ENOX1: variants seen among roughly 807,000 people sequenced by gnomAD.
ENOX1 encodes candidate growth-related and time keeping constitutive hydroquinone (NADH) oxidase.
ENOX1 carries 42 observed loss-of-function variants against 82.5 expected under a neutral mutation model. That is an observed-to-expected ratio of 0.51 (90% CI 0.40 to 0.66). The LOEUF is 0.66. ENOX1 is among the 30% of genes least tolerant of loss of function. The pLI is 0.00. For synonymous variants in ENOX1, 271 were observed against 282.2 expected, an observed-to-expected ratio of 0.96 and a Z score of 0.40; for missense variants, 608 against 811.6, an observed-to-expected ratio of 0.75 and a Z score of 3.05.
At chr13:43,707,539 T>TC (rs1472497056) in intron 1 of ENOX1, among the ~76,000 whole-genome samples, 1 of 151,764 alleles carries the variant, frequency 6.6e-6, no homozygotes, top group Non-Finnish European at 1.5e-5. Flanking sequence ...ATCGAGACCA[T>TC]CTGGCCAACG....
chr13:43,540,981 C>G (rs1200128463), intron 2 of ENOX1, among the ~76,000 whole-genome samples: 2 of 152,048 alleles, frequency 1.3e-5, no homozygotes, highest in Non-Finnish European at 2.9e-5. Flanking sequence ...CTAAATCAAT[C>G]AACAGGCTGA....
At chr13:43,506,824 C>T (rs9634776) in intron 2 of ENOX1, among the ~76,000 whole-genome samples, 15,006 of 143,650 alleles carry the variant, frequency 0.1, 823 homozygotes, top group East Asian at 0.26. Flanking sequence ...CATCACACAA[C>T]GGGGAATGTT....
At chr13:43,557,999 C>T (rs1032306533) in intron 2 of ENOX1, among the ~76,000 whole-genome samples, 5 of 152,184 alleles carry the variant, frequency 3.3e-5, no homozygotes, top group Admixed American at 3.3e-4. Flanking sequence ...AATCTAGGCC[C>T]AGTGTCCCAC....
At chr13:43,666,865 G>A (rs895902181) in intron 2 of ENOX1, among the ~76,000 whole-genome samples, 2 of 152,110 alleles carry the variant, frequency 1.3e-5, no homozygotes, top group African/African-American at 2.4e-5. Context: ...TGTCATCCAC[G>A]TCAGTTCTAT....
chr13:43,427,622 A>T (rs1454148833), intron 3 of ENOX1, among the ~76,000 whole-genome samples: 1 of 152,244 alleles, frequency 6.6e-6, no homozygotes, highest in Non-Finnish European at 1.5e-5. Context: ...TCTTTATAAG[A>T]TGTTGACTGT....
intron 2 of ENOX1, among the ~76,000 whole-genome samples, chr13:43,507,657 A>G (rs1180328217): frequency 6.6e-6 from 1 of 152,034 alleles, no homozygotes; most frequent in Non-Finnish European, 1.5e-5. Flanking sequence ...TCAGCAGTAA[A>G]TAAAATTAAA....
chr13:43,346,810 T>C (rs532119481), intron 8 of ENOX1, among the ~76,000 whole-genome samples: 1 of 152,250 alleles, frequency 6.6e-6, no homozygotes, highest in South Asian at 2.1e-4. Flanking sequence ...CCCACCAATA[T>C]ATGTTAGGAG....
intron 2 of ENOX1, among the ~76,000 whole-genome samples, chr13:43,638,694 AT>A (rs2153762274): frequency 6.6e-6 from 1 of 152,332 alleles, no homozygotes; most frequent in Non-Finnish European, 1.5e-5. Context: ...ATCTGTTTAT[AT>A]AAATTGTGTG....
chr13:43,323,495 A>G (rs1458932768), intron 10 of ENOX1, among the ~76,000 whole-genome samples: 2 of 152,260 alleles, frequency 1.3e-5, no homozygotes, highest in Non-Finnish European at 2.9e-5. Context: ...GAAATTTCTT[A>G]CTACTGTGCC....
chr13:43,522,986 G>C (rs1185144047), intron 2 of ENOX1, among the ~76,000 whole-genome samples: 1 of 152,106 alleles, frequency 6.6e-6, no homozygotes, highest in Non-Finnish European at 1.5e-5. Context: ...CAAGAACATA[G>C]AATTTGGATT....
chr13:43,596,636 C>A (rs2081486727), intron 2 of ENOX1, among the ~76,000 whole-genome samples: 1 of 152,164 alleles, frequency 6.6e-6, no homozygotes, highest in African/African-American at 2.4e-5. Flanking sequence ...CAAAATTTAA[C>A]CAACATTCTA....
At chr13:43,673,868 T>C (rs929407737) in intron 1 of ENOX1, among the ~76,000 whole-genome samples, 27 of 152,350 alleles carry the variant, frequency 1.8e-4, no homozygotes, top group African/African-American at 6.5e-4. Flanking sequence ...TGTTAAATCA[T>C]ACTTTTCTGC....
intron 1 of ENOX1, among the ~76,000 whole-genome samples, chr13:43,714,720 G>A (rs1222214295): frequency 6.6e-6 from 1 of 151,994 alleles, no homozygotes; most frequent in African/African-American, 2.4e-5. Context: ...TGTTTTATCC[G>A]AGACTAGGAT....
intron 15 of ENOX1, among the ~76,000 whole-genome samples, chr13:43,225,644 G>T (rs971619012): frequency 6.6e-6 from 1 of 152,154 alleles, no homozygotes; most frequent in Non-Finnish European, 1.5e-5. Context: ...AGGTGACCTT[G>T]GATTGATCTG....
chr13:43,338,932 G>A (rs917971969), intron 9 of ENOX1, among the ~76,000 whole-genome samples: 5 of 152,036 alleles, frequency 3.3e-5, no homozygotes, highest in South Asian at 2.1e-4. Flanking sequence ...TGATCCGCCC[G>A]CCTTGGCCTC....
intron 1 of ENOX1, among the ~76,000 whole-genome samples, chr13:43,713,644 G>A (rs1014114939): frequency 3.3e-5 from 5 of 152,174 alleles, no homozygotes; most frequent in African/African-American, 1.2e-4. Context: ...AGTCTTGGGA[G>A]GGTGTATTTG....
intron 15 of ENOX1, among the ~76,000 whole-genome samples, chr13:43,226,269 C>A (rs981058591): frequency 6.6e-6 from 1 of 152,040 alleles, no homozygotes; most frequent in Non-Finnish European, 1.5e-5. Flanking sequence ...ATTTGCATTT[C>A]CTTTTTTGTT....
chr13:43,350,515 G>A (rs941048064), intron 8 of ENOX1, among the ~76,000 whole-genome samples: 7 of 152,130 alleles, frequency 4.6e-5, no homozygotes, highest in African/African-American at 1.2e-4. Flanking sequence ...GCATGATCTC[G>A]GCTCACTGCA....
chr13:43,334,528 G>C (rs2048589148), intron 9 of ENOX1, among the ~76,000 whole-genome samples: 1 of 152,164 alleles, frequency 6.6e-6, no homozygotes, highest in East Asian at 1.9e-4. Context: ...AATTGCTTAA[G>C]AGAGCTGCAG....
Sources: allele counts gnomAD v4.1 joint callset (sites outside exome capture counted in the v4.1 genomes callset), GRCh38; gene constraint gnomAD v4.1.1; transcripts MANE v1.5; gene names NCBI Gene and HGNC (gene_info 2026-07-23, HGNC 2026-07-21).